The following PLEKHB2 variants were observed in gnomAD, a reference collection of about 807,000 sequenced individuals.
The protein encoded by PLEKHB2 is pleckstrin homology domain containing B2, also known as pleckstrin homology domain-containing family B member 2.
PLEKHB2 carries 31 observed loss-of-function variants against 36.5 expected under a neutral mutation model. The ratio of observed to expected loss-of-function variants is 0.85; its 90% CI spans 0.64 to 1.15. The LOEUF (loss-of-function observed/expected upper bound fraction) is 1.15, where lower values mean the gene tolerates loss of function less well. Among genes scored for constraint, PLEKHB2 ranks in the 50% most tolerant of loss-of-function variants. PLEKHB2 has a pLI of 0.00. For synonymous variants in PLEKHB2, 119 were observed against 112.0 expected (o/e 1.06, Z -0.39); for missense variants, 262 against 295.3 (o/e 0.89, Z 0.83).
intron 1 of PLEKHB2, among the ~76,000 whole-genome samples, chr2:131,110,467 C>G (rs1206250850): frequency 6.6e-6 from 1 of 152,210 alleles, no homozygotes; most frequent in South Asian, 2.1e-4. Context: ...CTTCTACCTT[C>G]TGGGCTCAAG....
rs201550994 is a variant in PLEKHB2, at chr2:131,125,768, G to A, written c.53G>A (p.Arg18His). 57 of 1,608,298 alleles carry A rather than the reference G, an allele frequency of 3.5e-5. No individual in the cohort carries two copies. The highest frequency in any genetic ancestry group is 4.5e-5 in the Non-Finnish European group (53 of 1,177,790). ...WLLRQSTILK[R>H]WKKNWFDLWS... ...TTTTTTCCAGGTACTATTTTGAAGC[G>A]CTGGAAGAAGAACTGGTTTGATCTG... The change falls in exon 3 of 8, where the codon CGC becomes CAC. Residue 18 changes from arginine (R) to histidine (H), a missense_variant. Coordinates refer to ENST00000693505, the MANE Select transcript of PLEKHB2 (RefSeq NM_001100623.2).
At chr2:131,117,500 T>C (rs1231925920) in intron 1 of PLEKHB2, among the ~76,000 whole-genome samples, 3 of 152,202 alleles carry the variant, frequency 2.0e-5, no homozygotes. Context: ...TTATATTCAC[T>C]GTGTCCTGTA....
intron 5 of PLEKHB2, 46 bp downstream of exon 5, chr2:131,130,806 A>G (rs775042246): frequency 6.8e-6 from 9 of 1,327,746 alleles, no homozygotes; most frequent in African/African-American, 4.4e-5. Flanking sequence ...TTTTTTTGAC[A>G]AGGTGTCACT....
chr2:131,139,771 G>A (rs542911375), intron 6 of PLEKHB2, among the ~76,000 whole-genome samples: 1 of 152,298 alleles, frequency 6.6e-6, no homozygotes, highest in South Asian at 2.1e-4. Flanking sequence ...TTCTAGGCTG[G>A]CTTTGCCTGC....
chr2:131,115,028 T>G (rs548063451), intron 1 of PLEKHB2, among the ~76,000 whole-genome samples: 2 of 152,186 alleles, frequency 1.3e-5, no homozygotes, highest in Non-Finnish European at 2.9e-5. Flanking sequence ...ACTGGGTGAT[T>G]TATAAAGGAA....
chr2:131,109,422 C>T (rs753411815), intron 1 of PLEKHB2, among the ~76,000 whole-genome samples: 47 of 152,120 alleles, frequency 3.1e-4, no homozygotes, highest in Non-Finnish European at 5.4e-4. Flanking sequence ...AGCGTGGTGG[C>T]TCAAGCTTTT....
rs1319661728 is a variant in PLEKHB2, at chr2:131,125,824, G to A, written c.109G>A (p.Asp37Asn). The A allele has an allele frequency of 6.2e-7, 1 of 1,613,502 alleles. No individual in the cohort carries two copies. Among genetic ancestry groups the A allele is most frequent in the Admixed American group, 1.7e-5 (1 of 59,980 alleles). Residue 37 changes from aspartate to asparagine, a missense_variant, in exon 3 of 8, where the codon GAC (aspartate) becomes AAC (asparagine). Coordinates refer to ENST00000693505, the MANE Select transcript of PLEKHB2 (RefSeq NM_001100623.2). ...GGATGGTCACCTGATCTATTATGAT[G>A]ACCAGACTCGGCAGAATATCGAGGA... ...WSDGHLIYYD[D>N]QTRQNIEDKV...
rs191215398 is a variant in PLEKHB2 at position 131,124,928 on chromosome 2, G to A, written c.38-825G>A. Among the ~76,000 whole-genome samples, 279 of 152,046 alleles carry A rather than the reference G, an allele frequency of 1.8e-3. 2 individuals carry two copies. Among genetic ancestry groups the A allele is most frequent in the East Asian group, 7.2e-3 (37 of 5,152 alleles). Reference sequence around the variant, plus strand: ...AGCCTCCCTAGTAGCTGGGATTACAGGTACGAGCCACCACGCCCAGCTAAT... The same window carrying A: ...AGCCTCCCTAGTAGCTGGGATTACAAGTACGAGCCACCACGCCCAGCTAAT... On this transcript the variant is annotated intron_variant, in intron 2 of 7. Coordinates refer to ENST00000693505, the MANE Select transcript of PLEKHB2 (RefSeq NM_001100623.2).
chr2:131,137,419 C>T (rs1698382568), intron 6 of PLEKHB2, among the ~76,000 whole-genome samples: 1 of 152,214 alleles, frequency 6.6e-6, no homozygotes, highest in Admixed American at 6.5e-5. Context: ...GGGTCCACCG[C>T]AGATACAGCT....
At chr2:131,139,408 G>A (rs752501868) in intron 6 of PLEKHB2, among the ~76,000 whole-genome samples, 2 of 114,540 alleles carry the variant, frequency 1.7e-5, no homozygotes, top group South Asian at 5.5e-4. Context: ...CTTGTCTCCT[G>A]CTTTTGTAAG....
intron 1 of PLEKHB2, among the ~76,000 whole-genome samples, chr2:131,110,563 A>G (rs1490679248): frequency 6.6e-6 from 1 of 151,818 alleles, no homozygotes; most frequent in East Asian, 1.9e-4. Context: ...TTTTGTTGAG[A>G]ATGTCTCACT....
chr2:131,136,793 CTCTTT>C (rs1308232168), intron 6 of PLEKHB2, among the ~76,000 whole-genome samples: 4 of 151,704 alleles, frequency 2.6e-5, no homozygotes, highest in East Asian at 1.9e-4. Flanking sequence ...GTGTTTTCTG[CTCTTT>C]TCTTTTCTGG....
chr2:131,126,367 A>G (rs771648742), intron 3 of PLEKHB2, among the ~76,000 whole-genome samples: 14 of 152,142 alleles, frequency 9.2e-5, no homozygotes, highest in Non-Finnish European at 1.9e-4. Flanking sequence ...CTCTACTAAA[A>G]ATACAAAAAA....
intron 7 of PLEKHB2, among the ~76,000 whole-genome samples, chr2:131,143,102 T>G (rs1698953963): frequency 6.6e-6 from 1 of 152,194 alleles, no homozygotes; most frequent in South Asian, 2.1e-4. Flanking sequence ...GTTAGTTGAT[T>G]TTCCCAGCTG....
chr2:131,111,868 AT>A (rs1695372051), intron 1 of PLEKHB2, among the ~76,000 whole-genome samples: 1 of 151,510 alleles, frequency 6.6e-6, no homozygotes, highest in Middle Eastern at 3.4e-3. Flanking sequence ...TGAAAATTTT[AT>A]TTTCTTTAAT....
Position 131,145,899 on chromosome 2 carries a change from C to T in PLEKHB2, c.533-738C>T, listed in dbSNP as rs374027566. Among the ~76,000 whole-genome samples the T allele has an allele frequency of 2.6e-5, 4 of 151,034 alleles. No individual in the cohort carries two copies. The East Asian group carries it at 6.0e-4, about 23-fold the overall frequency. On this transcript the variant is annotated intron_variant, in intron 7 of 7. Transcript: ENST00000693505. ...AGACATGCAGTAAAAAAGAGTAGGC[C>T]GGGCCGGGCGTGGTGGCTCATGCCT... is the stretch of plus-strand genomic sequence containing the variant.
intron 1 of PLEKHB2, among the ~76,000 whole-genome samples, chr2:131,110,401 C>T (rs1046432390): frequency 6.6e-6 from 1 of 151,064 alleles, no homozygotes; most frequent in African/African-American, 2.4e-5. Context: ...AAGACCGAAT[C>T]CTACTCTGTC....
intron 2 of PLEKHB2, among the ~76,000 whole-genome samples, chr2:131,122,950 C>T (rs1443704648): frequency 6.6e-6 from 1 of 152,148 alleles, no homozygotes; most frequent in African/African-American, 2.4e-5. Context: ...CTCCTTTGGC[C>T]CTTTGGATGT....
rs75344685 is a variant in PLEKHB2, at chr2:131,105,372, C to G, written c.-35C>G. 1.3e-5 allele frequency: 2 copies of G among 152,252 alleles called. No individual in the cohort carries two copies. Among genetic ancestry groups the G allele is most frequent in the Admixed American group, 1.3e-4 (2 of 15,284 alleles). The allele number at this position is 152,252 out of a possible 1,614,324, so 9.4% of individuals were successfully genotyped here. A position where few individuals can be genotyped will look rare whatever the true frequency, so the allele number is the denominator to read the frequency against. ...AGCAGGCGAGGAATCGCCGTGGCGT[C>G]TTGGTGTTCTCCACGCTGGTTCGCA... is the stretch of plus-strand genomic sequence containing the variant. On this transcript the variant is annotated 5_prime_UTR_variant, in exon 1 of 8. Transcript: ENST00000693505.
Sources: allele counts gnomAD v4.1 joint callset (sites outside exome capture counted in the v4.1 genomes callset), GRCh38; gene constraint gnomAD v4.1.1; transcripts MANE v1.5; gene names NCBI Gene and HGNC (gene_info 2026-07-23, HGNC 2026-07-21).